Variants in SMAD2 observed in about 807,000 individuals in gnomAD.
The protein encoded by SMAD2 is MAD homolog 2.
A neutral mutation model predicts 64.4 loss-of-function variants in SMAD2; 8 were observed. That is an observed-to-expected ratio of 0.12 (90% CI 0.07 to 0.22). SMAD2 has a LOEUF of 0.22. Ranked by LOEUF, SMAD2 falls within the 10% of genes least tolerant of loss-of-function variation. The probability of loss-of-function intolerance (pLI) is 1.00; values close to 1 mark genes in which losing one functional copy is unlikely to be tolerated. For missense variants in SMAD2, 289 were observed against 561.2 expected (o/e 0.51, Z 4.90); for synonymous variants, 203 against 195.8 (o/e 1.04, Z -0.31).
Position 47,820,617 on chromosome 18 carries a change from C to G in SMAD2, c.*21210G>C, listed in dbSNP as rs1444907758. On this transcript the variant is annotated 3_prime_UTR_variant, in exon 11 of 11. Coordinates refer to ENST00000262160, the MANE Select transcript of SMAD2 (RefSeq NM_005901.6). ...GAGTCTTGCATAGTAACTTTTTATC[C>G]TAAAGCAGGATGACCAGTTGTTTAA... 1 of 152,036 alleles carries G rather than the reference C, an allele frequency of 6.6e-6. No individual in the cohort carries two copies. Among genetic ancestry groups the G allele is most frequent in the African/African-American group, 2.4e-5 (1 of 41,392 alleles). The allele number at this position is 152,036 out of a possible 1,614,324, so 9.4% of individuals were successfully genotyped here. A position where few individuals can be genotyped will look rare whatever the true frequency, so the allele number is the denominator to read the frequency against.
intron 6 of SMAD2, among the ~76,000 whole-genome samples, chr18:47,861,077 C>T (rs973884261): frequency 2.0e-5 from 3 of 152,044 alleles, no homozygotes; most frequent in Non-Finnish European, 4.4e-5. Context: ...AACTGTCAGC[C>T]GGGCACAGTG....
rs987589291 is a variant in SMAD2, at chr18:47,829,723, T to C, written c.*12104A>G. 7.9e-5 allele frequency: 12 copies of C among 152,210 alleles called. No individual in the cohort carries two copies. Among genetic ancestry groups the C allele is most frequent in the East Asian group, 1.9e-4 (1 of 5,202 alleles). The allele number at this position is 152,210 out of a possible 1,614,324, so 9.4% of individuals were successfully genotyped here. Reference sequence around the variant, plus strand: ...AAACTGCACCGTATGACATGTCACATAGAAATTGTTAGAGACTTTGAATCC... The same window carrying C: ...AAACTGCACCGTATGACATGTCACACAGAAATTGTTAGAGACTTTGAATCC... On this transcript the variant is annotated 3_prime_UTR_variant, in exon 11 of 11. Transcript: ENST00000262160.
intron 2 of SMAD2, among the ~76,000 whole-genome samples, chr18:47,887,986 G>A (rs1197708794): frequency 6.6e-6 from 1 of 152,032 alleles, no homozygotes; most frequent in Non-Finnish European, 1.5e-5. Context: ...CTTGACTCAG[G>A]GTGTCTTTTC....
chr18:47,930,705 CCGGCCGCCCGCA>C, upstream of SMAD2: 1 of 148,762 alleles, frequency 6.7e-6, no homozygotes, highest in Middle Eastern at 3.4e-3. Flanking sequence ...CGCAGCCCTA[CCGGCCGCCCGCA>C]CGGCCGCGCC....
At chr18:47,859,335 C>G (rs1005598034) in intron 6 of SMAD2, among the ~76,000 whole-genome samples, 2 of 152,080 alleles carry the variant, frequency 1.3e-5, no homozygotes, top group Non-Finnish European at 2.9e-5. Flanking sequence ...ATCAACCACC[C>G]TGACCTAAAT....
intron 6 of SMAD2, among the ~76,000 whole-genome samples, chr18:47,858,043 G>C (rs1212747346): frequency 6.6e-6 from 1 of 152,108 alleles, no homozygotes; most frequent in Non-Finnish European, 1.5e-5. Flanking sequence ...TTGGCAAATA[G>C]AGAAAAGAGT....
chr18:47,924,958 CT>C (rs2034706395), intron 1 of SMAD2, among the ~76,000 whole-genome samples: 1 of 152,174 alleles, frequency 6.6e-6, no homozygotes, highest in African/African-American at 2.4e-5. Context: ...GATCAAGAGT[CT>C]TTTTTGACTT....
At chr18:47,851,746 C>G (rs2030110187) in intron 6 of SMAD2, among the ~76,000 whole-genome samples, 1 of 151,812 alleles carries the variant, frequency 6.6e-6, no homozygotes, top group Admixed American at 6.6e-5. Context: ...ATTTGTCTAT[C>G]TACATATCAA....
chr18:47,850,581 AT>A (rs1915298711), intron 7 of SMAD2, among the ~76,000 whole-genome samples: 1 of 27,768 alleles, frequency 3.6e-5, no homozygotes, highest in Admixed American at 8.3e-4. Flanking sequence ...ATTATATATT[AT>A]ATATATATTA....
In SMAD2 at chr18:47,814,733, T is replaced by C. The variant is rs1432872136; in HGVS notation, c.*27094A>G. 1 of 152,264 alleles carries C rather than the reference T, an allele frequency of 6.6e-6. No individual in the cohort carries two copies. Among genetic ancestry groups the C allele is most frequent in the Non-Finnish European group, 1.5e-5 (1 of 68,090 alleles). 9.4% of individuals were successfully genotyped at this position (152,264 alleles called of 1,614,324 possible). The stretch of plus-strand genomic sequence containing the variant: ...ATGGCACAGGAGCACTAGCTCAGCA[T>C]TGGTGGAAGGAGGTGTCTAGTCAGT... On this transcript the variant is annotated 3_prime_UTR_variant, in exon 11 of 11. Coordinates refer to ENST00000262160, the MANE Select transcript of SMAD2 (RefSeq NM_005901.6).
At chr18:47,877,307 G>T (rs1447074693) in intron 2 of SMAD2, among the ~76,000 whole-genome samples, 1 of 151,942 alleles carries the variant, frequency 6.6e-6, no homozygotes, top group Non-Finnish European at 1.5e-5. Context: ...TCCAGCTCTT[G>T]ATTACTGATC....
At position 47,831,341 on chromosome 18, in the gene SMAD2, A is replaced by G. The variant is rs1020559944; in HGVS notation, c.*10486T>C. 2.0e-5 allele frequency: 3 copies of G among 152,180 alleles called. No homozygotes were observed. Among genetic ancestry groups the G allele is most frequent in the African/African-American group, 7.2e-5 (3 of 41,424 alleles). 9.4% of individuals were successfully genotyped at this position (152,180 alleles called of 1,614,324 possible). A position where few individuals can be genotyped will look rare whatever the true frequency, so the allele number is the denominator to read the frequency against. On this transcript the variant is annotated 3_prime_UTR_variant, in exon 11 of 11. Transcript: ENST00000262160. ...TTCAAAGGTCTTCTCCATCTCTCCA[A>G]ATTGAATGTATTCTTCAACCCTGGG...
In SMAD2 at chr18:47,818,113, TAG is replaced by T. The variant is rs1315528840; in HGVS notation, c.*23712_*23713del. 6.6e-6 allele frequency: 1 copy of T among 152,242 alleles called. No homozygotes were observed. The highest frequency in any genetic ancestry group is 1.5e-5 in the Non-Finnish European group (1 of 68,060). 9.4% of individuals were successfully genotyped at this position (152,242 alleles called of 1,614,324 possible). On this transcript the variant is annotated 3_prime_UTR_variant, in exon 11 of 11. Transcript: ENST00000262160. ...TCTTAGTACCAAGAGACTGCAGCTA[TAG>T]AGTTGATATGTAGAGTCTTCTAAGC...
intron 3 of SMAD2, 131 bp downstream of exon 3, chr18:47,870,344 A>T: frequency 1.5e-6 from 1 of 683,506 alleles, no homozygotes; most frequent in Non-Finnish European, 2.7e-6. Context: ...AGATATTTTA[A>T]ATGCTATGCC....
At position 47,815,074 on chromosome 18, in the gene SMAD2, C is replaced by A. The variant is rs1444321224; in HGVS notation, c.*26753G>T. 2 of 152,270 alleles carry A rather than the reference C, an allele frequency of 1.3e-5. No homozygotes were observed. Among genetic ancestry groups the A allele is most frequent in the Admixed American group, 6.5e-5 (1 of 15,284 alleles). 9.4% of individuals were successfully genotyped at this position (152,270 alleles called of 1,614,324 possible). On this transcript the variant is annotated 3_prime_UTR_variant, in exon 11 of 11. Coordinates refer to ENST00000262160, the MANE Select transcript of SMAD2 (RefSeq NM_005901.6). ...GACCTCAGCACATACATTAGAGAAA[C>A]TCTTTCCTGTGTCACCTGGAGATGA...
intron 2 of SMAD2, among the ~76,000 whole-genome samples, chr18:47,891,499 C>T (rs117671132): frequency 1.4e-5 from 2 of 146,404 alleles, no homozygotes; most frequent in Admixed American, 1.4e-4. Flanking sequence ...GTACATGCTA[C>T]TTTATGTTTT....
rs1300594999 is a variant in SMAD2 at position 47,818,913 on chromosome 18, C to A, written c.*22914G>T. ...GAATCCAATAACTGTCTTTTATAAA[C>A]CAGCAAGCCTGTATTACTATCGTAT... On this transcript the variant is annotated 3_prime_UTR_variant, in exon 11 of 11. Transcript: ENST00000262160. 1 of 152,206 alleles carries A rather than the reference C, an allele frequency of 6.6e-6. No homozygotes were observed. Among genetic ancestry groups the A allele is most frequent in the Non-Finnish European group, 1.5e-5 (1 of 68,042 alleles). 9.4% of individuals were successfully genotyped at this position (152,206 alleles called of 1,614,324 possible). A position where few individuals can be genotyped will look rare whatever the true frequency, so the allele number is the denominator to read the frequency against.
intron 8 of SMAD2, among the ~76,000 whole-genome samples, chr18:47,846,951 G>C (rs1160394265): frequency 6.6e-6 from 1 of 151,954 alleles, no homozygotes; most frequent in Non-Finnish European, 1.5e-5. Context: ...TAAGACTATG[G>C]AATATCTGTA....
At chr18:47,852,951 G>A (rs2030267720) in intron 6 of SMAD2, among the ~76,000 whole-genome samples, 1 of 152,016 alleles carries the variant, frequency 6.6e-6, no homozygotes, top group South Asian at 2.1e-4. Flanking sequence ...TTTCTTTTAT[G>A]ATCATCATTC....
Sources: gnomAD v4.1 joint callset for allele counts (sites outside exome capture counted in the v4.1 genomes callset) on GRCh38, gnomAD v4.1.1 for gene constraint, MANE v1.5 for transcripts, NCBI Gene and HGNC (gene_info 2026-07-23, HGNC 2026-07-21) for gene names.